TGFBR3: variants seen among roughly 807,000 people sequenced by gnomAD.
TGFBR3 encodes the protein transforming growth factor beta receptor type 3.
A neutral mutation model predicts 87.9 loss-of-function variants in TGFBR3; 46 were observed. The ratio of observed to expected loss-of-function variants is 0.52; its 90% CI spans 0.41 to 0.67. The LOEUF is 0.67. TGFBR3 is among the 30% of genes least tolerant of loss of function. The pLI is 0.00. For missense variants in TGFBR3, 866 were observed against 1,041.9 expected (o/e 0.83, Z 2.32); for synonymous variants, 381 against 391.6 (o/e 0.97, Z 0.32).
At chr1:91,902,641 T>A (rs1020204079) in intron 1 of TGFBR3, among the ~76,000 whole-genome samples, 3 of 151,426 alleles carry the variant, frequency 2.0e-5, no homozygotes, top group Non-Finnish European at 1.5e-5. Flanking sequence ...TCTTTTTAGG[T>A]CTCTGAACAC....
chr1:91,858,628 A>C (rs1047441230), intron 2 of TGFBR3, among the ~76,000 whole-genome samples: 9 of 150,818 alleles, frequency 6.0e-5, no homozygotes, highest in Non-Finnish European at 1.2e-4. Flanking sequence ...AAAAAAAAAA[A>C]AAAAACAAAA....
At chr1:91,770,114 T>A (rs960809669) in intron 3 of TGFBR3, among the ~76,000 whole-genome samples, 4 of 152,014 alleles carry the variant, frequency 2.6e-5, no homozygotes, top group African/African-American at 9.7e-5. Context: ...TCATAGCACA[T>A]TTTCCAAAAC....
intron 2 of TGFBR3, among the ~76,000 whole-genome samples, chr1:91,894,016 C>T (rs1270930053): frequency 1.3e-5 from 2 of 151,718 alleles, no homozygotes; most frequent in Non-Finnish European, 2.9e-5. Flanking sequence ...GATCACTCTA[C>T]AGGAGGTTGA....
At chr1:91,754,238 G>C (rs1673658695) in intron 4 of TGFBR3, among the ~76,000 whole-genome samples, 1 of 152,058 alleles carries the variant, frequency 6.6e-6, no homozygotes, top group Admixed American at 6.6e-5. Context: ...CAGGTTGAAG[G>C]TTCAGGCATC....
At position 91,770,710 on chromosome 1, in the gene TGFBR3, C is replaced by T. The variant is rs966861000; in HGVS notation, c.247-11960G>A. 13 of 152,312 alleles carry T rather than the reference C, an allele frequency of 8.5e-5. No homozygotes were observed. In the East Asian group the frequency reaches 2.5e-3, roughly 29 times the overall value. The allele number at this position is 152,312 out of a possible 1,614,324, so 9.4% of individuals were successfully genotyped here. On this transcript the variant is annotated intron_variant, in intron 3 of 16. Transcript: ENST00000212355. ...ATTTATAGAAAAATCCTTCAGACCTCTGTTATGTTGGCAGTACACAATGCA... is the reference window on the plus strand; with the variant it reads ...ATTTATAGAAAAATCCTTCAGACCTTTGTTATGTTGGCAGTACACAATGCA...
intron 7 of TGFBR3, among the ~76,000 whole-genome samples, chr1:91,724,763 G>A (rs1331547170): frequency 6.6e-6 from 1 of 152,028 alleles, no homozygotes; most frequent in East Asian, 1.9e-4. Context: ...GTACAAGGAG[G>A]TCTCCAAAAA....
chr1:91,811,726 A>T lies in TGFBR3; in HGVS notation c.62-14255T>A, dbSNP rs78756416. 6.6e-4 allele frequency among the ~76,000 whole-genome samples: 101 copies of T among 152,276 alleles called. 7 individuals are homozygous for T. In the East Asian group the frequency reaches 0.019, roughly 29 times the overall value. On this transcript the variant is annotated intron_variant, in intron 2 of 16. Transcript: ENST00000212355. Reference sequence around the variant, plus strand: ...ATTGTTTAATAAACTCTCCCCCAAAAATTTAAAACTGGGATAAATGAGATA... The same window carrying T: ...ATTGTTTAATAAACTCTCCCCCAAATATTTAAAACTGGGATAAATGAGATA...
chr1:91,798,467 AG>A (rs1347298953), intron 2 of TGFBR3, among the ~76,000 whole-genome samples: 10 of 152,112 alleles, frequency 6.6e-5, no homozygotes, highest in Non-Finnish European at 1.5e-4. Flanking sequence ...CAGACACACC[AG>A]GATGTTTCCC....
intron 2 of TGFBR3, among the ~76,000 whole-genome samples, chr1:91,850,863 C>T (rs149543173): frequency 1.2e-3 from 176 of 150,814 alleles, no homozygotes; most frequent in African/African-American, 4.1e-3. Flanking sequence ...GAGGCCTATG[C>T]TACCTGTGTA....
At chr1:91,898,028 A>G (rs1395320330) in intron 2 of TGFBR3, among the ~76,000 whole-genome samples, 1 of 117,916 alleles carries the variant, frequency 8.5e-6, no homozygotes, top group Non-Finnish European at 1.7e-5. Flanking sequence ...GTCTCCATTA[A>G]AAAATGTTTT....
In TGFBR3 at chr1:91,705,292, T is replaced by C. The variant is rs141026330; in HGVS notation, c.2287+3371A>G. ...CAGGCTGGAGTACAGTGGCGCGATC[T>C]TGGCTCACTGCAACCTCTGCTTCCC... On this transcript the variant is annotated intron_variant, in intron 14 of 16. Transcript: ENST00000212355. 1.3e-3 allele frequency among the ~76,000 whole-genome samples: 202 copies of C among 151,482 alleles called. 2 individuals are homozygous for C. The Middle Eastern group carries it at 0.017, about 13-fold the overall frequency.
chr1:91,748,784 T>G (rs1235301439), intron 4 of TGFBR3, among the ~76,000 whole-genome samples: 1 of 152,066 alleles, frequency 6.6e-6, no homozygotes, highest in Non-Finnish European at 1.5e-5. Flanking sequence ...TACTAAGCAC[T>G]GTCCCTGGGT....
At chr1:91,803,541 T>C (rs1427829578) in intron 2 of TGFBR3, among the ~76,000 whole-genome samples, 3 of 146,638 alleles carry the variant, frequency 2.0e-5, no homozygotes, top group Admixed American at 6.8e-5. Context: ...CTGAACTGCT[T>C]TTTTTTTTTT....
intron 2 of TGFBR3, among the ~76,000 whole-genome samples, chr1:91,811,958 T>C (rs762647681): frequency 3.9e-5 from 6 of 152,058 alleles, no homozygotes; most frequent in Non-Finnish European, 8.8e-5. Context: ...TCCGTGTGTG[T>C]TATTTTGGAG....
upstream of TGFBR3, among the ~76,000 whole-genome samples, chr1:91,888,751 A>G (rs1299120755): frequency 6.6e-6 from 1 of 152,242 alleles, no homozygotes; most frequent in Non-Finnish European, 1.5e-5. Context: ...CCTTCTAAAT[A>G]AAATGGCCTG....
chr1:91,762,693 T>A (rs1027877322), intron 3 of TGFBR3, among the ~76,000 whole-genome samples: 1 of 152,220 alleles, frequency 6.6e-6, no homozygotes, highest in African/African-American at 2.4e-5. Flanking sequence ...TGTAACACCA[T>A]CCCTCATACA....
At chr1:91,786,991 G>A (rs1674994708) in intron 3 of TGFBR3, among the ~76,000 whole-genome samples, 1 of 152,078 alleles carries the variant, frequency 6.6e-6, no homozygotes, top group African/African-American at 2.4e-5. Flanking sequence ...ATTTCTCAAT[G>A]GTCAGTGAAC....
upstream of TGFBR3, chr1:91,886,236 G>A (rs980256044): frequency 2.5e-5 from 11 of 446,932 alleles, no homozygotes; most frequent in Non-Finnish European, 4.5e-5. Flanking sequence ...CAATCAGCGC[G>A]CGGGGGGAAG....
chr1:91,712,604 C>T (rs932384904), intron 12 of TGFBR3, 62 bp from the exon 13 acceptor site: 3 of 1,537,812 alleles, frequency 2.0e-6, no homozygotes, highest in Non-Finnish European at 1.8e-6. Context: ...ACTTTAGGCA[C>T]AAGGACCATA....
Sources: allele counts gnomAD v4.1 joint callset (sites outside exome capture counted in the v4.1 genomes callset), GRCh38; gene constraint gnomAD v4.1.1; transcripts MANE v1.5; gene names NCBI Gene and HGNC (gene_info 2026-07-23, HGNC 2026-07-21).